The following KLHL13 variants were observed in gnomAD, a reference collection of about 807,000 sequenced individuals.
KLHL13 encodes kelch like family member 13.
In KLHL13, 10 loss-of-function variants were observed where a neutral mutation model predicts 37.1. The ratio of observed to expected loss-of-function variants is 0.27; its 90% CI spans 0.17 to 0.46. The LOEUF is 0.46. Among genes scored for constraint, KLHL13 ranks in the 20% least tolerant of loss-of-function variants. The pLI is 1.00. For synonymous variants in KLHL13, 163 were observed against 181.2 expected, an observed-to-expected ratio of 0.90 and a Z score of 0.81; for missense variants, 360 against 509.3, an observed-to-expected ratio of 0.71 and a Z score of 2.82.
exon 1 of KLHL13, chrX:117,973,136 T>G: frequency 1.0e-6 from 1 of 962,558 alleles, no homozygotes. Flanking sequence ...AATGCAGCTT[T>G]ATTTAATAAA....
At chrX:118,002,168 G>A (rs751104882) in intron 1 of KLHL13, among the ~76,000 whole-genome samples, 10 of 111,574 alleles carry the variant, frequency 9.0e-5, no homozygotes, top group East Asian at 2.8e-4. Context: ...CTAAATCACC[G>A]GGTTAGATGC....
intron 1 of KLHL13, among the ~76,000 whole-genome samples, chrX:118,052,338 C>T (rs1325667578): frequency 2.6e-5 from 2 of 77,647 alleles, no homozygotes; most frequent in East Asian, 4.2e-4. Flanking sequence ...ACAGTGAAAC[C>T]CCGTCTCTAC....
intron 1 of KLHL13, among the ~76,000 whole-genome samples, chrX:117,958,188 T>C (rs950579698): frequency 3.6e-5 from 4 of 111,645 alleles, no homozygotes; most frequent in Non-Finnish European, 7.5e-5. Flanking sequence ...CCCCAGTGGA[T>C]GTTTGAAACT....
At chrX:117,910,024 C>T (rs754520098) in exon 5 of KLHL13, 12 of 1,203,554 alleles carry the variant, frequency 1.0e-5, no homozygotes, top group East Asian at 5.9e-5. Flanking sequence ...AAACTGTTAA[C>T]GTATTTATCC....
rs41312572 is a variant in KLHL13 at position 117,919,795 on chromosome X, T to C, written c.374-78A>G. On this transcript the variant is annotated intron_variant, in intron 3 of 6. Transcript: ENST00000262820. ...CACTTCTGCTGCTAATTAGATGCAA[T>C]AAAATCAAAGGAAAGTCTTATCTTA... is the stretch of plus-strand genomic sequence containing the variant. The C allele has an allele frequency of 7.3e-3, 5,320 of 733,121 alleles. 17 individuals carry two copies. Among genetic ancestry groups the C allele is most frequent in the Non-Finnish European group, 8.9e-3 (4,370 of 493,255 alleles). The allele number at this position is 733,121 out of a possible 1,213,427, so 60.4% of individuals were successfully genotyped here.
At chrX:118,075,418 G>A (rs780341980) in intron 1 of KLHL13, among the ~76,000 whole-genome samples, 1 of 112,039 alleles carries the variant, frequency 8.9e-6, no homozygotes, top group South Asian at 3.7e-4. Flanking sequence ...ACTGAAGGAA[G>A]GCAAGTCCTG....
chrX:118,071,253 G>A (rs776058093), intron 1 of KLHL13, among the ~76,000 whole-genome samples: 1 of 111,525 alleles, frequency 9.0e-6, no homozygotes, highest in Non-Finnish European at 1.9e-5. Context: ...ATGATTTATA[G>A]TCCTTTGGGT....
At chrX:117,978,739 G>A (rs2053623108) in intron 1 of KLHL13, among the ~76,000 whole-genome samples, 1 of 107,595 alleles carries the variant, frequency 9.3e-6, no homozygotes, top group Admixed American at 1.0e-4. Context: ...AGAAGTTCTT[G>A]CCCTTCCTTC....
At chrX:117,930,216 AGAAGGAAG>A (rs769775359) in intron 2 of KLHL13, among the ~76,000 whole-genome samples, 5 of 89,722 alleles carry the variant, frequency 5.6e-5, no homozygotes, top group Admixed American at 2.4e-4. Flanking sequence ...ATGAAAAGGA[AGAAGGAAG>A]GAAGGAAGGA....
chrX:117,906,528 G>A (rs1930551397), intron 5 of KLHL13, among the ~76,000 whole-genome samples: 1 of 111,004 alleles, frequency 9.0e-6, no homozygotes, highest in Admixed American at 9.7e-5. Context: ...AACTCAAAGG[G>A]GGTGGAGTGG....
rs6646002 is a variant in KLHL13, at chrX:117,930,909, C to T, written c.241-10539G>A. On this transcript the variant is annotated intron_variant, in intron 2 of 6. Coordinates refer to ENST00000262820, the Ensembl canonical transcript of KLHL13. ...AATGTAAATTATCTTAATCATTATG[C>T]CTGTTTCTTATGTTAACAACGTACT... Among the ~76,000 whole-genome samples, 792 of 111,870 alleles carry T rather than the reference C, an allele frequency of 7.1e-3. 6 individuals carry two copies. Among genetic ancestry groups the T allele is most frequent in the African/African-American group, 0.023 (696 of 30,851 alleles).
At chrX:118,031,346 T>A (rs1226924627) in intron 1 of KLHL13, among the ~76,000 whole-genome samples, 1 of 105,144 alleles carries the variant, frequency 9.5e-6, no homozygotes, top group Non-Finnish European at 1.9e-5. Flanking sequence ...TTTCATGAAG[T>A]TAGGAAGGGA....
intron 1 of KLHL13, among the ~76,000 whole-genome samples, chrX:118,019,279 A>G (rs2054168338): frequency 9.0e-6 from 1 of 111,555 alleles, no homozygotes; most frequent in Admixed American, 9.6e-5. Flanking sequence ...TTTTGGCTGC[A>G]TAAATGTCTT....
At chrX:118,033,468 G>A (rs2054388204) in intron 1 of KLHL13, among the ~76,000 whole-genome samples, 1 of 111,026 alleles carries the variant, frequency 9.0e-6, no homozygotes, top group Non-Finnish European at 1.9e-5. Context: ...TTTCAACCCA[G>A]AATTTCATAT....
intron 4 of KLHL13, among the ~76,000 whole-genome samples, chrX:117,915,097 T>C (rs1437713695): frequency 8.9e-6 from 1 of 111,861 alleles, no homozygotes; most frequent in Non-Finnish European, 1.9e-5. Context: ...TTGATTCATT[T>C]TTAATTTTAA....
intron 1 of KLHL13, among the ~76,000 whole-genome samples, chrX:117,971,502 T>C (rs2053522737): frequency 1.8e-5 from 2 of 111,425 alleles, no homozygotes; most frequent in African/African-American, 6.5e-5. Flanking sequence ...TAGCCTATTT[T>C]TTTTTTTACT....
At chrX:117,924,925 A>T (rs972866333) in intron 2 of KLHL13, among the ~76,000 whole-genome samples, 1 of 111,110 alleles carries the variant, frequency 9.0e-6, no homozygotes, top group Non-Finnish European at 1.9e-5. Flanking sequence ...TTTAATGTTT[A>T]ATGTTTTTAA....
intron 1 of KLHL13, among the ~76,000 whole-genome samples, chrX:117,960,221 C>CA (rs950712149): frequency 5.6e-5 from 6 of 107,474 alleles, no homozygotes; most frequent in African/African-American, 1.4e-4. Context: ...CCTGTCTCTA[C>CA]AAAAAAAAAG....
intron 1 of KLHL13, among the ~76,000 whole-genome samples, chrX:117,987,813 CTTCT>C (rs763839050): frequency 4.5e-5 from 5 of 112,056 alleles, no homozygotes; most frequent in Non-Finnish European, 9.4e-5. Flanking sequence ...CTACACCTTC[CTTCT>C]TTTTTATTGA....
Sources: gnomAD v4.1 joint callset for allele counts (sites outside exome capture counted in the v4.1 genomes callset) on GRCh38, gnomAD v4.1.1 for gene constraint, MANE v1.5 for transcripts, NCBI Gene and HGNC (gene_info 2026-07-23, HGNC 2026-07-21) for gene names.